ST8SIA6: variants seen among roughly 807,000 people sequenced by gnomAD.
ST8SIA6 encodes the protein ST8 alpha-N-acetyl-neuraminide alpha-2,8-sialyltransferase 6.
Under a neutral mutation model 33.6 loss-of-function variants are expected in ST8SIA6, and 39 were observed. The ratio of observed to expected loss-of-function variants is 1.16; its 90% CI spans 0.90 to 1.52. ST8SIA6 has a LOEUF of 1.52. Among genes scored for constraint, ST8SIA6 ranks in the 40% most tolerant of loss-of-function variants. The pLI, the probability that ST8SIA6 is intolerant of heterozygous loss-of-function variation, is 0.00. For missense variants in ST8SIA6, 441 were observed against 443.8 expected, an observed-to-expected ratio of 0.99 and a Z score of 0.06; for synonymous variants, 172 against 167.2, an observed-to-expected ratio of 1.03 and a Z score of -0.22.
rs367846064 is a variant in ST8SIA6 at position 17,421,260 on chromosome 10, C to A, written c.201-30640G>T. Among the ~76,000 whole-genome samples the A allele has an allele frequency of 6.4e-4, 97 of 152,296 alleles. 2 individuals are homozygous for A. In the East Asian group the frequency reaches 0.011, roughly 18 times the overall value. On this transcript the variant is annotated intron_variant, in intron 2 of 7. Coordinates refer to ENST00000377602, the MANE Select transcript of ST8SIA6 (RefSeq NM_001004470.3). ...GTGGAACTGGCTGAGTCCTCTGTTG[C>A]AACTGCATTAGGATCTATCTGTCTT...
At chr10:17,391,634 A>G (rs1354758978) in intron 2 of ST8SIA6, among the ~76,000 whole-genome samples, 1 of 152,214 alleles carries the variant, frequency 6.6e-6, no homozygotes, top group Non-Finnish European at 1.5e-5. Context: ...TCTCTCCATA[A>G]TGAACACAAA....
chr10:17,394,441 C>T (rs1290737048), intron 2 of ST8SIA6, among the ~76,000 whole-genome samples: 1 of 151,560 alleles, frequency 6.6e-6, no homozygotes, highest in Non-Finnish European at 1.5e-5. Context: ...AAGCAGAAGT[C>T]AGTAAATAGA....
At chr10:17,414,894 C>T (rs900192443) in intron 2 of ST8SIA6, among the ~76,000 whole-genome samples, 3 of 152,042 alleles carry the variant, frequency 2.0e-5, no homozygotes, top group African/African-American at 7.2e-5. Context: ...TTCATCTTAC[C>T]ATATGTTACA....
chr10:17,359,507 A>C lies in ST8SIA6; in HGVS notation c.377+7T>G. On this transcript the variant is annotated splice_region_variant and intron_variant, in intron 4 of 7. Coordinates refer to ENST00000377602, the MANE Select transcript of ST8SIA6 (RefSeq NM_001004470.3). ...TAAAATCTCATATTATTTATGAAAA[A>C]AATTACCTAAAATTTGCATATTCTT... 6.3e-7 allele frequency: 1 copy of C among 1,583,586 alleles called. No homozygotes were observed. The highest frequency in any genetic ancestry group is 8.6e-7 in the Non-Finnish European group (1 of 1,160,478).
chr10:17,388,923 C>T (rs1279438491), intron 3 of ST8SIA6, among the ~76,000 whole-genome samples: 1 of 152,094 alleles, frequency 6.6e-6, no homozygotes, highest in Non-Finnish European at 1.5e-5. Context: ...GACTCTGGCT[C>T]CAAGAGTCTG....
intron 3 of ST8SIA6, among the ~76,000 whole-genome samples, chr10:17,371,473 A>T (rs56147526): frequency 6.6e-6 from 1 of 151,942 alleles, no homozygotes; most frequent in Non-Finnish European, 1.5e-5. Context: ...AGGAGACGTG[A>T]GAAGGAATCT....
chr10:17,330,491 T>C, intron 5 of ST8SIA6, among the ~76,000 whole-genome samples: 1 of 152,250 alleles, frequency 6.6e-6, no homozygotes, highest in East Asian at 1.9e-4. Context: ...CTCTATCATT[T>C]TCTATTTATT....
chr10:17,405,322 G>A (rs1588894417), intron 2 of ST8SIA6, among the ~76,000 whole-genome samples: 1 of 151,694 alleles, frequency 6.6e-6, no homozygotes, highest in Non-Finnish European at 1.5e-5. Context: ...AGTGAGCCAC[G>A]ATCACACCAC....
intron 2 of ST8SIA6, among the ~76,000 whole-genome samples, chr10:17,404,624 G>T (rs985654959): frequency 1.3e-4 from 20 of 152,238 alleles, no homozygotes; most frequent in Middle Eastern, 3.4e-3. Flanking sequence ...CCTAGGTGAT[G>T]TCTGATCACC....
At chr10:17,441,304 C>CTTTCTTTATTTATTTA (rs1852482769) in intron 2 of ST8SIA6, among the ~76,000 whole-genome samples, 1 of 148,126 alleles carries the variant, frequency 6.8e-6, no homozygotes, top group African/African-American at 2.5e-5. Flanking sequence ...TCTAAATTAT[C>CTTTCTTTATTTATTTA]TTTATTTATT....
chr10:17,413,491 T>C (rs1236002557), intron 2 of ST8SIA6: 1 of 152,184 alleles, frequency 6.6e-6, no homozygotes, highest in Non-Finnish European at 1.5e-5. Flanking sequence ...GAAATTAAAA[T>C]TATAGTTCTT....
intron 3 of ST8SIA6, among the ~76,000 whole-genome samples, chr10:17,368,407 C>CAAAAAAAAAAAAAAAAAAAAAAAAAAAAA (rs200826980): frequency 1.4e-5 from 1 of 72,198 alleles, no homozygotes; most frequent in African/African-American, 4.7e-5. Flanking sequence ...AGCTCTGTCT[C>CAAAAAAAAAAAAAAAAAAAAAAAAAAAAA]AAAAAAAAAA....
chr10:17,363,228 T>G (rs917345545), intron 3 of ST8SIA6, among the ~76,000 whole-genome samples: 1 of 152,174 alleles, frequency 6.6e-6, no homozygotes, highest in African/African-American at 2.4e-5. Flanking sequence ...AATAGCTCAT[T>G]AGTCAATTTT....
At chr10:17,377,369 T>G (rs549226268) in intron 3 of ST8SIA6, among the ~76,000 whole-genome samples, 1 of 152,312 alleles carries the variant, frequency 6.6e-6, no homozygotes, top group Non-Finnish European at 1.5e-5. Flanking sequence ...ACAAAGCCTG[T>G]TTGGTGGTCT....
intron 3 of ST8SIA6, among the ~76,000 whole-genome samples, chr10:17,379,143 CAAA>C (rs911759116): frequency 4.6e-5 from 3 of 65,288 alleles, no homozygotes; most frequent in African/African-American, 3.9e-4. Flanking sequence ...AAAACAAAAA[CAAA>C]AAAAACCGAA....
chr10:17,352,582 G>C (rs1443822875), intron 4 of ST8SIA6, among the ~76,000 whole-genome samples: 1 of 152,126 alleles, frequency 6.6e-6, no homozygotes, highest in African/African-American at 2.4e-5. Flanking sequence ...TTTGACATGT[G>C]AACATAAAAA....
At chr10:17,340,415 C>T (rs992577585) in intron 4 of ST8SIA6, among the ~76,000 whole-genome samples, 2 of 152,068 alleles carry the variant, frequency 1.3e-5, no homozygotes, top group South Asian at 2.1e-4. Context: ...GCCAAAACTG[C>T]TCACCCCGCC....
intron 3 of ST8SIA6, among the ~76,000 whole-genome samples, chr10:17,370,588 T>C (rs923439359): frequency 1.3e-5 from 2 of 152,196 alleles, no homozygotes; most frequent in African/African-American, 4.8e-5. Flanking sequence ...ATAGGAATAT[T>C]ATTCCTACAT....
chr10:17,397,242 T>TA (rs1294975110), intron 2 of ST8SIA6, among the ~76,000 whole-genome samples: 1 of 147,730 alleles, frequency 6.8e-6, no homozygotes, highest in Non-Finnish European at 1.5e-5. Flanking sequence ...TGTTTTTTTT[T>TA]TTTTTTTTGA....
Sources: gnomAD v4.1 joint callset for allele counts (sites outside exome capture counted in the v4.1 genomes callset) on GRCh38, gnomAD v4.1.1 for gene constraint, MANE v1.5 for transcripts, NCBI Gene and HGNC (gene_info 2026-07-23, HGNC 2026-07-21) for gene names.